Variants in NCK2 observed in about 807,000 individuals in gnomAD.
NCK2 encodes cytoplasmic protein NCK2.
A neutral mutation model predicts 33.9 loss-of-function variants in NCK2; 16 were observed. That is an observed-to-expected ratio of 0.47 (90% CI 0.32 to 0.72). The LOEUF (loss-of-function observed/expected upper bound fraction) is 0.72, where lower values mean the gene tolerates loss of function less well. Among genes scored for constraint, NCK2 ranks in the 30% least tolerant of loss-of-function variants. The probability of loss-of-function intolerance (pLI) is 0.03; values close to 1 mark genes in which losing one functional copy is unlikely to be tolerated. For synonymous variants in NCK2, 273 were observed against 239.9 expected (o/e 1.14, Z -1.27); for missense variants, 418 against 537.3 (o/e 0.78, Z 2.19).
intron 3 of NCK2, among the ~76,000 whole-genome samples, chr2:105,866,691 T>A (rs1677777095): frequency 6.6e-6 from 1 of 152,194 alleles, no homozygotes; most frequent in South Asian, 2.1e-4. Context: ...ACTGCTCATC[T>A]CCTGCCGTGC....
chr2:105,828,774 A>G (rs772447704), intron 2 of NCK2, among the ~76,000 whole-genome samples: 5 of 152,200 alleles, frequency 3.3e-5, no homozygotes, highest in Admixed American at 6.5e-5. Flanking sequence ...ACCTCTTAGT[A>G]AATTAGGCAT....
chr2:105,807,874 C>G (rs1402968429), intron 1 of NCK2, among the ~76,000 whole-genome samples: 2 of 135,784 alleles, frequency 1.5e-5, no homozygotes, highest in Non-Finnish European at 3.1e-5. Flanking sequence ...CTCTATCTCT[C>G]CCTCCCTCCC....
chr2:105,776,231 G>A (rs76051775), intron 1 of NCK2, among the ~76,000 whole-genome samples: 7,332 of 152,262 alleles, frequency 0.048, 269 homozygotes, highest in East Asian at 0.1. Flanking sequence ...CCCAACTTCC[G>A]TCCCAGCGAC....
At chr2:105,885,694 A>C (rs1049753896) in intron 4 of NCK2, among the ~76,000 whole-genome samples, 1 of 151,786 alleles carries the variant, frequency 6.6e-6, no homozygotes, top group South Asian at 2.1e-4. Context: ...TTGGGACCAC[A>C]CTTTGAAAAC....
intron 1 of NCK2, among the ~76,000 whole-genome samples, chr2:105,799,095 G>A (rs1691180027): frequency 1.3e-5 from 2 of 152,074 alleles, no homozygotes; most frequent in South Asian, 4.2e-4. Flanking sequence ...TATTTAAGAA[G>A]CTCTCGCTGT....
At chr2:105,780,715 G>A (rs904627102) in intron 1 of NCK2, among the ~76,000 whole-genome samples, 1 of 152,150 alleles carries the variant, frequency 6.6e-6, no homozygotes, top group Admixed American at 6.5e-5. Context: ...GGTCGTAAGA[G>A]GGGAGCGCTT....
chr2:105,793,855 C>T (rs988281961), intron 1 of NCK2, among the ~76,000 whole-genome samples: 1 of 152,140 alleles, frequency 6.6e-6, no homozygotes, highest in African/African-American at 2.4e-5. Context: ...CTGGGGTCTG[C>T]GTGCCTTCAA....
intron 1 of NCK2, among the ~76,000 whole-genome samples, chr2:105,768,015 C>G (rs1690002889): frequency 6.6e-6 from 1 of 152,194 alleles, no homozygotes; most frequent in African/African-American, 2.4e-5. Context: ...GAAGACATCT[C>G]AAGCAGCACT....
chr2:105,817,021 C>T (rs7589342), intron 2 of NCK2, among the ~76,000 whole-genome samples: 43,175 of 151,836 alleles, frequency 0.28, 6,941 homozygotes, highest in South Asian at 0.39. Context: ...AAATCTGTGT[C>T]AAAGGATAGC....
intron 1 of NCK2, among the ~76,000 whole-genome samples, chr2:105,806,811 C>T (rs560142049): frequency 2.0e-5 from 3 of 151,318 alleles, no homozygotes; most frequent in South Asian, 2.1e-4. Context: ...TAGGGGGCTT[C>T]GCAGTTACCA....
chr2:105,807,789 C>CTATCCCTCCCTCCCTCCCTCCCT (rs1675125399), intron 1 of NCK2, among the ~76,000 whole-genome samples: 1 of 51,708 alleles, frequency 1.9e-5, no homozygotes, highest in Non-Finnish European at 3.6e-5. Flanking sequence ...CCTCCCTTCT[C>CTATCCCTCCCTCCCTCCCTCCCT]TCTCTCCCTC....
intron 3 of NCK2, among the ~76,000 whole-genome samples, chr2:105,858,890 G>A (rs1428190085): frequency 1.3e-5 from 2 of 152,182 alleles, no homozygotes; most frequent in Admixed American, 1.3e-4. Flanking sequence ...TTGTATACTG[G>A]ATCTCTTCTC....
intron 1 of NCK2, among the ~76,000 whole-genome samples, chr2:105,809,922 G>T (rs539980092): frequency 6.6e-6 from 1 of 152,188 alleles, no homozygotes; most frequent in African/African-American, 2.4e-5. Flanking sequence ...AACACTGAGG[G>T]GGAGAGGGCA....
At chr2:105,765,787 GT>G (rs1689917605) in intron 1 of NCK2, among the ~76,000 whole-genome samples, 2 of 101,588 alleles carry the variant, frequency 2.0e-5, no homozygotes. Context: ...AGAATAGGGG[GT>G]GTGTGTGTGT....
chr2:105,869,508 T>C (rs1677905900), intron 3 of NCK2, among the ~76,000 whole-genome samples: 1 of 152,192 alleles, frequency 6.6e-6, no homozygotes, highest in Non-Finnish European at 1.5e-5. Flanking sequence ...TCCAGAGTGT[T>C]CTGAGAAGCT....
At chr2:105,854,965 A>G in intron 2 of NCK2, 83 bp from the exon 3 acceptor site, 1 of 978,556 alleles carries the variant, frequency 1.0e-6, no homozygotes, top group Non-Finnish European at 1.6e-6. Flanking sequence ...AAAAGCTGTC[A>G]GTGCCTAATT....
intron 2 of NCK2, among the ~76,000 whole-genome samples, chr2:105,823,788 C>T (rs1233863378): frequency 1.3e-5 from 2 of 152,094 alleles, no homozygotes; most frequent in Admixed American, 1.3e-4. Flanking sequence ...ACCTGACCAA[C>T]AGTCACACTG....
chr2:105,869,274 G>A (rs147720430), intron 3 of NCK2, among the ~76,000 whole-genome samples: 74 of 152,266 alleles, frequency 4.9e-4, no homozygotes, highest in African/African-American at 1.7e-3. Flanking sequence ...TGTGTCCCTA[G>A]CCATAACAGC....
intron 2 of NCK2, among the ~76,000 whole-genome samples, chr2:105,829,200 A>C (rs1676069595): frequency 6.6e-6 from 1 of 152,164 alleles, no homozygotes; most frequent in South Asian, 2.1e-4. Flanking sequence ...TTTGGGGCAT[A>C]ATAATAAGAC....
Sources: gnomAD v4.1 joint callset for allele counts (sites outside exome capture counted in the v4.1 genomes callset) on GRCh38, gnomAD v4.1.1 for gene constraint, MANE v1.5 for transcripts, NCBI Gene and HGNC (gene_info 2026-07-23, HGNC 2026-07-21) for gene names.